RHEX: variants seen among roughly 807,000 people sequenced by gnomAD.
The protein encoded by RHEX is regulator of hemoglobinization and erythroid cell expansion protein.
In RHEX, 18 loss-of-function variants were observed where a neutral mutation model predicts 20.1. The observed-to-expected ratio is 0.90, with a 90% CI of 0.62 to 1.33. The LOEUF (loss-of-function observed/expected upper bound fraction) is 1.33. Ranked by LOEUF, RHEX falls within the 40% of genes most tolerant of loss-of-function variation. The pLI, the probability that RHEX is intolerant of heterozygous loss-of-function variation, is 0.00. For synonymous variants in RHEX, 87 were observed against 77.1 expected, an observed-to-expected ratio of 1.13 and a Z score of -0.67; for missense variants, 192 against 214.3, an observed-to-expected ratio of 0.90 and a Z score of 0.65.
intron 1 of RHEX, among the ~76,000 whole-genome samples, chr1:206,055,548 T>C (rs1398906578): frequency 3.9e-5 from 6 of 152,204 alleles, no homozygotes; most frequent in Non-Finnish European, 8.8e-5. Context: ...CACATCTATT[T>C]AGATGCAATC....
chr1:206,056,094 A>G (rs1662189440), intron 1 of RHEX, among the ~76,000 whole-genome samples: 1 of 152,254 alleles, frequency 6.6e-6, no homozygotes, highest in East Asian at 1.9e-4. Context: ...TAACCATTGA[A>G]GTTTGCAACA....
chr1:206,093,877 C>T (rs1309715858), intron 1 of RHEX, among the ~76,000 whole-genome samples: 1 of 152,074 alleles, frequency 6.6e-6, no homozygotes, highest in Non-Finnish European at 1.5e-5. Flanking sequence ...CAGGGTTTTA[C>T]TCTGTCACCC....
intron 1 of RHEX, among the ~76,000 whole-genome samples, chr1:206,064,007 C>G (rs2102307961): frequency 6.6e-6 from 1 of 151,610 alleles, no homozygotes; most frequent in African/African-American, 2.4e-5. Context: ...GCCCGGCCGC[C>G]CATCGTCTGA....
chr1:206,058,288 G>A (rs577533411), intron 1 of RHEX, among the ~76,000 whole-genome samples: 47 of 152,050 alleles, frequency 3.1e-4, no homozygotes, highest in African/African-American at 9.6e-4. Context: ...AAACTTCGTC[G>A]CTTAACCTTA....
intron 1 of RHEX, among the ~76,000 whole-genome samples, chr1:206,086,923 C>A (rs1662852031): frequency 6.6e-6 from 1 of 152,126 alleles, no homozygotes; most frequent in Non-Finnish European, 1.5e-5. Flanking sequence ...GGGAGGATTG[C>A]TTGAGCCCAG....
chr1:206,068,193 G>T (rs1553284344), intron 1 of RHEX, among the ~76,000 whole-genome samples: 1 of 152,166 alleles, frequency 6.6e-6, no homozygotes, highest in African/African-American at 2.4e-5. Flanking sequence ...TTTGGACGAC[G>T]TATTATGTGG....
chr1:206,055,399 C>T (rs1254227043), intron 1 of RHEX, among the ~76,000 whole-genome samples: 2 of 152,196 alleles, frequency 1.3e-5, no homozygotes, highest in African/African-American at 2.4e-5. Flanking sequence ...GGCACTCTGC[C>T]GAATAACTAG....
chr1:206,096,302 C>T (rs1553287647), intron 1 of RHEX, among the ~76,000 whole-genome samples: 1 of 152,232 alleles, frequency 6.6e-6, no homozygotes, highest in Non-Finnish European at 1.5e-5. Flanking sequence ...TGGCCAACCC[C>T]CTCAAGGGGA....
chr1:206,068,241 T>C (rs1216978269), intron 1 of RHEX, among the ~76,000 whole-genome samples: 1 of 152,114 alleles, frequency 6.6e-6, no homozygotes, highest in East Asian at 1.9e-4. Context: ...TAAAAGTAGG[T>C]TCAAGACCAA....
In RHEX at chr1:206,087,266, A is replaced by G. The variant is rs1553286488; in HGVS notation, c.-96-10467A>G. On this transcript the variant is annotated intron_variant, in intron 1 of 5. Coordinates refer to ENST00000331555, the MANE Select transcript of RHEX (RefSeq NM_001007544.4). Reference sequence around the variant, plus strand: ...ATCCAACTTTGTTAGAAGACAATCAATTCCACTAAAGCTGTCCCCAAAGCC... The same window carrying G: ...ATCCAACTTTGTTAGAAGACAATCAGTTCCACTAAAGCTGTCCCCAAAGCC... 3.9e-5 allele frequency among the ~76,000 whole-genome samples: 6 copies of G among 152,274 alleles called. No individual in the cohort carries two copies. In the South Asian group the frequency reaches 8.3e-4, roughly 21 times the overall value.
chr1:206,093,090 C>G (rs1159166394), intron 1 of RHEX, among the ~76,000 whole-genome samples: 1 of 152,134 alleles, frequency 6.6e-6, no homozygotes, highest in African/African-American at 2.4e-5. Flanking sequence ...GCCCTAGCTC[C>G]CTTCTTTCCC....
chr1:206,071,519 G>A (rs1192928535), intron 1 of RHEX, among the ~76,000 whole-genome samples: 2 of 138,090 alleles, frequency 1.4e-5, no homozygotes, highest in African/African-American at 2.7e-5. Context: ...ATAATATTCT[G>A]TAAACTATAA....
At chr1:206,057,081 A>G (rs1662208587) in intron 1 of RHEX, among the ~76,000 whole-genome samples, 1 of 152,268 alleles carries the variant, frequency 6.6e-6, no homozygotes, top group African/African-American at 2.4e-5. Context: ...CATCCTAATA[A>G]AAGGAGAGGT....
At chr1:206,070,288 C>T (rs1422188373) in intron 1 of RHEX, among the ~76,000 whole-genome samples, 4 of 152,190 alleles carry the variant, frequency 2.6e-5, no homozygotes, top group Non-Finnish European at 4.4e-5. Context: ...CCTATATCCA[C>T]GGCTTCTCTC....
At chr1:206,073,830 A>T (rs1401447618) in intron 1 of RHEX, among the ~76,000 whole-genome samples, 3 of 152,108 alleles carry the variant, frequency 2.0e-5, no homozygotes, top group African/African-American at 7.2e-5. Flanking sequence ...TATCTCCTCC[A>T]GTCTATTCTC....
chr1:206,076,497 C>G (rs151209336), intron 1 of RHEX, among the ~76,000 whole-genome samples: 1 of 152,232 alleles, frequency 6.6e-6, no homozygotes, highest in Non-Finnish European at 1.5e-5. Flanking sequence ...GTTTCATAAA[C>G]CTTTTGTACC....
intron 1 of RHEX, among the ~76,000 whole-genome samples, chr1:206,064,689 C>G (rs1430226939): frequency 3.3e-5 from 5 of 151,100 alleles, no homozygotes; most frequent in African/African-American, 1.2e-4. Context: ...GCCGCCCCAT[C>G]CGGGAGGTGA....
In RHEX at chr1:206,102,077, G is replaced by T; in HGVS notation, c.*125G>T. ...CAAGTCTATGGAGACAGGCCAAAAAGAATGTGGAGAAGAAAACTGATAAAT... is the reference window on the plus strand; with the variant it reads ...CAAGTCTATGGAGACAGGCCAAAAATAATGTGGAGAAGAAAACTGATAAAT... On this transcript the variant is annotated 3_prime_UTR_variant, in exon 6 of 6. Transcript: ENST00000331555. 7.7e-6 allele frequency: 6 copies of T among 776,746 alleles called. No homozygotes were observed. The highest frequency in any genetic ancestry group is 4.6e-5 in the Admixed American group (2 of 43,886). 48.1% of individuals were successfully genotyped at this position (776,746 alleles called of 1,614,324 possible). A position where few individuals can be genotyped will look rare whatever the true frequency, so the allele number is the denominator to read the frequency against.
intron 1 of RHEX, among the ~76,000 whole-genome samples, chr1:206,079,247 C>A (rs931945087): frequency 6.6e-6 from 1 of 151,952 alleles, no homozygotes; most frequent in African/African-American, 2.4e-5. Flanking sequence ...TATATCATTA[C>A]TGAAAAAGTG....
Sources: gnomAD v4.1 joint callset for allele counts (sites outside exome capture counted in the v4.1 genomes callset) on GRCh38, gnomAD v4.1.1 for gene constraint, MANE v1.5 for transcripts, NCBI Gene and HGNC (gene_info 2026-07-23, HGNC 2026-07-21) for gene names.